Variants in PRKCA observed in about 807,000 individuals in gnomAD.
The protein encoded by PRKCA is protein kinase C alpha, also known as protein kinase C alpha type.
In PRKCA, 27 loss-of-function variants were observed where a neutral mutation model predicts 87.0. That is an observed-to-expected ratio of 0.31 (90% CI 0.23 to 0.43). PRKCA has a LOEUF of 0.43. PRKCA is among the 20% of genes least tolerant of loss of function. The pLI, the probability that PRKCA is intolerant of heterozygous loss-of-function variation, is 1.00. For synonymous variants in PRKCA, 329 were observed against 311.1 expected, an observed-to-expected ratio of 1.06 and a Z score of -0.61; for missense variants, 518 against 852.3, an observed-to-expected ratio of 0.61 and a Z score of 4.88.
chr17:66,635,049 G>A (rs1282665183), intron 3 of PRKCA, among the ~76,000 whole-genome samples: 1 of 152,188 alleles, frequency 6.6e-6, no homozygotes, highest in African/African-American at 2.4e-5. Context: ...GAGACTTCCT[G>A]GAGGAGGAAG....
intron 2 of PRKCA, among the ~76,000 whole-genome samples, chr17:66,378,088 C>T (rs1230920135): frequency 1.3e-5 from 2 of 151,994 alleles, no homozygotes; most frequent in African/African-American, 4.8e-5. Context: ...TTTGGGAGGC[C>T]CAAGTGGGTG....
intron 8 of PRKCA, among the ~76,000 whole-genome samples, chr17:66,705,261 T>C (rs1364995861): frequency 6.6e-6 from 1 of 152,204 alleles, no homozygotes; most frequent in Non-Finnish European, 1.5e-5. Flanking sequence ...CTTAAACTGA[T>C]ATAGGAGACA....
At chr17:66,347,979 G>A (rs1037388641) in intron 2 of PRKCA, among the ~76,000 whole-genome samples, 2 of 69,706 alleles carry the variant, frequency 2.9e-5, no homozygotes, top group Non-Finnish European at 5.8e-5. Context: ...GTCTTGCTCT[G>A]TGCCCAGGCT....
chr17:66,806,808 A>G lies in PRKCA; in HGVS notation c.*2771A>G, dbSNP rs1976041776. 1 of 152,258 alleles carries G rather than the reference A, an allele frequency of 6.6e-6. No individual in the cohort carries two copies. The highest frequency in any genetic ancestry group is 1.5e-5 in the Non-Finnish European group (1 of 68,068). 9.4% of individuals were successfully genotyped at this position (152,258 alleles called of 1,614,324 possible). A position where few individuals can be genotyped will look rare whatever the true frequency, so the allele number is the denominator to read the frequency against. ...CAAAGTTTTCCAAGAAAATGCCCCGACAGGGGTGCCCAGCACACTGCCTGA... is the reference window on the plus strand; with the variant it reads ...CAAAGTTTTCCAAGAAAATGCCCCGGCAGGGGTGCCCAGCACACTGCCTGA... On this transcript the variant is annotated 3_prime_UTR_variant, in exon 17 of 17. Coordinates refer to ENST00000413366, the MANE Select transcript of PRKCA (RefSeq NM_002737.3).
chr17:66,418,074 C>T (rs747400580), intron 2 of PRKCA, among the ~76,000 whole-genome samples: 3 of 152,042 alleles, frequency 2.0e-5, no homozygotes, highest in Non-Finnish European at 2.9e-5. Context: ...TTTTGGTGCG[C>T]GTGGGTTTTA....
intron 2 of PRKCA, among the ~76,000 whole-genome samples, chr17:66,446,238 A>AACACACAC (rs202026912): frequency 2.0e-5 from 3 of 150,788 alleles, no homozygotes; most frequent in Non-Finnish European, 4.4e-5. Flanking sequence ...CTCTCTTCCC[A>AACACACAC]ACACACACAC....
chr17:66,342,448 AAT>A (rs1567780728), intron 2 of PRKCA, among the ~76,000 whole-genome samples: 1 of 24,010 alleles, frequency 4.2e-5, no homozygotes, highest in Admixed American at 2.8e-4. Context: ...AATAAATAAT[AAT>A]AATAATAATA....
intron 3 of PRKCA, among the ~76,000 whole-genome samples, chr17:66,566,480 GTTTTTTTTTTTT>G (rs56912157): frequency 1.0e-5 from 1 of 97,022 alleles, no homozygotes; most frequent in Non-Finnish European, 2.0e-5. Flanking sequence ...TTGTTTTTTG[GTTTTTTTTTTTT>G]TTTTTTTTTT....
At chr17:66,664,657 T>G (rs1228462672) in intron 5 of PRKCA, among the ~76,000 whole-genome samples, 18 of 141,146 alleles carry the variant, frequency 1.3e-4, no homozygotes, top group African/African-American at 4.2e-4. Flanking sequence ...GTTTTTTTTT[T>G]TTTTTTTTTT....
In PRKCA at chr17:66,805,144, T is replaced by A. The variant is rs963102361; in HGVS notation, c.*1107T>A. On this transcript the variant is annotated 3_prime_UTR_variant, in exon 17 of 17. Coordinates refer to ENST00000413366, the MANE Select transcript of PRKCA (RefSeq NM_002737.3). ...CCACTTAGGGATAAAAAGAATATGG[T>A]TTTGGTTCCCATTTCTAGTTCACGT... 3 of 982,780 alleles carry A rather than the reference T, an allele frequency of 3.1e-6. No homozygotes were observed. The highest frequency in any genetic ancestry group is 3.6e-6 in the Non-Finnish European group (3 of 827,478). 60.9% of individuals were successfully genotyped at this position (982,780 alleles called of 1,614,324 possible).
Position 66,777,761 on chromosome 17 carries a change from G to A in PRKCA, c.1605+3694G>A, listed in dbSNP as rs185681639. 11 of 985,358 alleles carry A rather than the reference G, an allele frequency of 1.1e-5. No homozygotes were observed. In the East Asian group the frequency reaches 7.9e-4, roughly 71 times the overall value. 61.0% of individuals were successfully genotyped at this position (985,358 alleles called of 1,614,324 possible). On this transcript the variant is annotated intron_variant, in intron 14 of 16. Coordinates refer to ENST00000413366, the MANE Select transcript of PRKCA (RefSeq NM_002737.3). ...TGCTAACATGCAAAAGGGGCTGGGC[G>A]GAAACGAAGCCAGGATCTGTTTCCG...
At chr17:66,731,045 G>A (rs1338147840) in intron 8 of PRKCA, among the ~76,000 whole-genome samples, 1 of 152,118 alleles carries the variant, frequency 6.6e-6, no homozygotes, top group Non-Finnish European at 1.5e-5. Context: ...ACTAGGGAGG[G>A]AGGTGCACCC....
At chr17:66,659,371 C>T (rs995987481) in intron 5 of PRKCA, among the ~76,000 whole-genome samples, 6 of 152,156 alleles carry the variant, frequency 3.9e-5, no homozygotes, top group African/African-American at 1.4e-4. Flanking sequence ...TACTCACCTT[C>T]TTCCTCCTCC....
chr17:66,675,785 C>T (rs1972312687), intron 5 of PRKCA, among the ~76,000 whole-genome samples: 1 of 152,172 alleles, frequency 6.6e-6, no homozygotes, highest in African/African-American at 2.4e-5. Context: ...GGCCCCTTCT[C>T]CTGAAACGGC....
intron 3 of PRKCA, among the ~76,000 whole-genome samples, chr17:66,620,490 A>G (rs2024321): frequency 0.33 from 50,572 of 152,152 alleles, 8,813 homozygotes; most frequent in Middle Eastern, 0.43. Context: ...GGCCAGAGCT[A>G]TGGCCTGTGG....
chr17:66,319,747 TA>T (rs1303852425), intron 2 of PRKCA, among the ~76,000 whole-genome samples: 1 of 151,496 alleles, frequency 6.6e-6, no homozygotes. Context: ...TTTTTTTTTT[TA>T]ATTTTTTATT....
intron 8 of PRKCA, among the ~76,000 whole-genome samples, chr17:66,720,216 A>T (rs962020798): frequency 3.9e-5 from 6 of 152,216 alleles, no homozygotes; most frequent in African/African-American, 1.4e-4. Context: ...TTGAGCAGAG[A>T]TAGAAGGGAG....
chr17:66,355,882 A>G (rs1371442168), intron 2 of PRKCA, among the ~76,000 whole-genome samples: 1 of 152,208 alleles, frequency 6.6e-6, no homozygotes, highest in Non-Finnish European at 1.5e-5. Context: ...ATAGTAAATT[A>G]TATTCACAGT....
chr17:66,361,437 G>A (rs971904465), intron 2 of PRKCA, among the ~76,000 whole-genome samples: 1 of 151,572 alleles, frequency 6.6e-6, no homozygotes, highest in African/African-American at 2.4e-5. Flanking sequence ...TCAGTCTCTC[G>A]AGTAGCTGGG....
Sources: gnomAD v4.1 joint callset for allele counts (sites outside exome capture counted in the v4.1 genomes callset) on GRCh38, gnomAD v4.1.1 for gene constraint, MANE v1.5 for transcripts, NCBI Gene and HGNC (gene_info 2026-07-23, HGNC 2026-07-21) for gene names.